Variants in MPHOSPH10 observed in about 807,000 individuals in gnomAD.
The protein encoded by MPHOSPH10 is U3 small nucleolar ribonucleoprotein MPP10.
In MPHOSPH10, 33 loss-of-function variants were observed where a neutral mutation model predicts 77.3. The observed-to-expected ratio is 0.43, with a 90% CI of 0.32 to 0.57. The LOEUF (loss-of-function observed/expected upper bound fraction) is 0.57. Among genes scored for constraint, MPHOSPH10 ranks in the 20% least tolerant of loss-of-function variants. The probability of loss-of-function intolerance (pLI) is 0.07; values close to 1 mark genes in which losing one functional copy is unlikely to be tolerated. For missense variants in MPHOSPH10, 708 were observed against 780.1 expected (o/e 0.91, Z 1.10); for synonymous variants, 245 against 268.0 (o/e 0.91, Z 0.84).
At position 71,141,219 on chromosome 2, in the gene MPHOSPH10, CTTT is replaced by C; in HGVS notation, c.1309-12_1309-10del. ...TAGGTTTTGTTATGTTCTACCTGCA[CTTT>C]ATGTTTCAGGCTTGGGATGATGTAG... On this transcript the variant is annotated splice_polypyrimidine_tract_variant and intron_variant, in intron 6 of 10. Coordinates refer to ENST00000244230, the MANE Select transcript of MPHOSPH10 (RefSeq NM_005791.3). 7.1e-7 allele frequency: 1 copy of C among 1,404,018 alleles called. No individual in the cohort carries two copies. Among genetic ancestry groups the C allele is most frequent in the Non-Finnish European group, 9.3e-7 (1 of 1,073,798 alleles). 87.0% of individuals were successfully genotyped at this position (1,404,018 alleles called of 1,614,324 possible). A position where few individuals can be genotyped will look rare whatever the true frequency, so the allele number is the denominator to read the frequency against.
intron 1 of MPHOSPH10, among the ~76,000 whole-genome samples, chr2:71,131,613 G>C (rs949080275): frequency 6.6e-6 from 1 of 152,206 alleles, no homozygotes; most frequent in African/African-American, 2.4e-5. Context: ...GTCAACTAAT[G>C]GTGATGGGGA....
At chr2:71,147,939 C>A in intron 8 of MPHOSPH10, 60 bp from the exon 9 acceptor site, 1 of 1,278,210 alleles carries the variant, frequency 7.8e-7, no homozygotes. Context: ...GTTCACAGTT[C>A]ACACATTTTG....
At chr2:71,131,997 C>A (rs1673395498) in intron 1 of MPHOSPH10, among the ~76,000 whole-genome samples, 1 of 152,180 alleles carries the variant, frequency 6.6e-6, no homozygotes, top group South Asian at 2.1e-4. Context: ...TTCCCTATCT[C>A]AGTAAATGGC....
At chr2:71,139,485 T>C in intron 5 of MPHOSPH10, 1 of 185,746 alleles carries the variant, frequency 5.4e-6, no homozygotes. Flanking sequence ...GTTTTCATTT[T>C]ATTTCAATGG....
intron 8 of MPHOSPH10, among the ~76,000 whole-genome samples, chr2:71,145,701 C>T (rs1307308633): frequency 6.6e-6 from 1 of 152,120 alleles, no homozygotes; most frequent in East Asian, 1.9e-4. Context: ...AGGACGTGGG[C>T]CTTTCTGGGC....
intron 7 of MPHOSPH10, among the ~76,000 whole-genome samples, chr2:71,143,429 C>G (rs902833605): frequency 2.0e-5 from 3 of 152,158 alleles, no homozygotes; most frequent in Non-Finnish European, 4.4e-5. Context: ...CCGCGCCCAG[C>G]CAGCCACCAT....
chr2:71,135,204 T>C (rs1021001287), intron 4 of MPHOSPH10, among the ~76,000 whole-genome samples: 6 of 151,992 alleles, frequency 3.9e-5, no homozygotes, highest in African/African-American at 1.2e-4. Context: ...GGAAAGCATC[T>C]GATTTGCAAA....
At position 71,130,740 on chromosome 2, in the gene MPHOSPH10, C is replaced by G. The variant is rs1430939640; in HGVS notation, c.75C>G (p.Pro25=). ...AAGTCGGCAAAGCCACGGGTCGGCC[C>G]GAGTGCTTCCTCACGTAAGTGCGCA... ...LTEVGKATGR[P]ECFLTIQEGL... Residue 25 remains proline, a synonymous_variant, in exon 1 of 11, where the codon CCC becomes CCG. Transcript: ENST00000244230. The G allele has an allele frequency of 2.5e-6, 4 of 1,608,964 alleles. No homozygotes were observed. The highest frequency in any genetic ancestry group is 1.7e-5 in the Admixed American group (1 of 59,888).
rs1464599009 is a variant in MPHOSPH10 at position 71,135,537 on chromosome 2, ACT to A, written c.1098+743_1098+744del. ...ACTCCAGCCTGGGCGACAGAGTGTG[ACT>A]CTGTCTCAAAAATAAAAAAATTTTT... On this transcript the variant is annotated intron_variant, in intron 4 of 10. Transcript: ENST00000244230. Among the ~76,000 whole-genome samples, 11 of 151,706 alleles carry A rather than the reference ACT, an allele frequency of 7.3e-5. No individual in the cohort carries two copies. In the East Asian group the frequency reaches 2.1e-3, roughly 30 times the overall value.
chr2:71,147,030 C>G (rs1489821697), intron 8 of MPHOSPH10, among the ~76,000 whole-genome samples: 1 of 152,130 alleles, frequency 6.6e-6, no homozygotes, highest in African/African-American at 2.4e-5. Flanking sequence ...TTCTTTCCCC[C>G]TTTTTGTAAT....
intron 9 of MPHOSPH10, chr2:71,148,322 G>A: frequency 2.2e-6 from 1 of 454,386 alleles, no homozygotes; most frequent in Non-Finnish European, 4.0e-6. Flanking sequence ...GAGAGTTACT[G>A]TAAGAGCAGT....
In MPHOSPH10 at chr2:71,147,322, A is replaced by G. The variant is rs192137355; in HGVS notation, c.1558-677A>G. The stretch of plus-strand genomic sequence containing the variant: ...AATGTCCACATGCATGGTAGATAGG[A>G]ATAGTTGAGGAAGAGATGGAAGAAC... On this transcript the variant is annotated intron_variant, in intron 8 of 10. Coordinates refer to ENST00000244230, the MANE Select transcript of MPHOSPH10 (RefSeq NM_005791.3). 5.6e-3 allele frequency among the ~76,000 whole-genome samples: 855 copies of G among 152,302 alleles called. 6 individuals are homozygous for G. Among genetic ancestry groups the G allele is most frequent in the Non-Finnish European group, 9.1e-3 (616 of 68,016 alleles).
At chr2:71,131,455 C>G (rs1486270499) in intron 1 of MPHOSPH10, among the ~76,000 whole-genome samples, 1 of 152,088 alleles carries the variant, frequency 6.6e-6, no homozygotes, top group Non-Finnish European at 1.5e-5. Flanking sequence ...TTGTTTCTAC[C>G]CACCTATACT....
Position 71,133,844 on chromosome 2 carries a change from G to A in MPHOSPH10, c.769-104G>A, listed in dbSNP as rs559609102. ...AGTTATTAGCTTGTAGTGTTATTAA[G>A]TCAGAAAGTAATATATACATACAAT... On this transcript the variant is annotated intron_variant, in intron 2 of 10. Transcript: ENST00000244230. 43 of 915,974 alleles carry A rather than the reference G, an allele frequency of 4.7e-5. No homozygotes were observed. In the African/African-American group the frequency reaches 5.9e-4, roughly 13 times the overall value. 56.7% of individuals were successfully genotyped at this position (915,974 alleles called of 1,614,324 possible). A position where few individuals can be genotyped will look rare whatever the true frequency, so the allele number is the denominator to read the frequency against.
intron 2 of MPHOSPH10, 102 bp from the exon 3 acceptor site, chr2:71,133,846 C>T (rs1421152191): frequency 1.1e-6 from 1 of 918,310 alleles, no homozygotes; most frequent in Non-Finnish European, 1.6e-6. Context: ...GTTATTAAGT[C>T]AGAAAGTAAT....
chr2:71,141,504 A>G, intron 7 of MPHOSPH10, 135 bp downstream of exon 7: 5 of 684,404 alleles, frequency 7.3e-6, no homozygotes, highest in Non-Finnish European at 1.1e-5. Context: ...GAGACAGAGC[A>G]TGCTAGGAAT....
rs1173567868 is a variant in MPHOSPH10, at chr2:71,130,641, A to T, written c.-25A>T. On this transcript the variant is annotated 5_prime_UTR_variant, in exon 1 of 11. Transcript: ENST00000244230. ...GCGGCTCCCTTCCCTTGCATGCTGC[A>T]TTGTGTCGGGAGTTGCTGACAGCCA... 1 of 1,597,298 alleles carries T rather than the reference A, an allele frequency of 6.3e-7. No individual in the cohort carries two copies. The highest frequency in any genetic ancestry group is 1.1e-5 in the South Asian group (1 of 89,282).
Position 71,149,768 on chromosome 2 carries a change from T to C in MPHOSPH10, c.1897-98T>C, listed in dbSNP as rs556293661. The C allele has an allele frequency of 4.1e-5, 43 of 1,042,880 alleles. No homozygotes were observed. The South Asian group carries it at 5.1e-4, about 12-fold the overall frequency. The allele number at this position is 1,042,880 out of a possible 1,614,324, so 64.6% of individuals were successfully genotyped here. On this transcript the variant is annotated intron_variant, in intron 10 of 10. Transcript: ENST00000244230. ...TAATTCTAGTCCTTTTTCATATTTA[T>C]GGTTGCATACATTGTTGTAATGGTG...
intron 2 of MPHOSPH10, among the ~76,000 whole-genome samples, 151 bp from the exon 3 acceptor site, chr2:71,133,793 ATTAT>A (rs760033653): frequency 1.3e-5 from 2 of 152,322 alleles, no homozygotes; most frequent in East Asian, 1.9e-4. Flanking sequence ...TCACCTAATA[ATTAT>A]TTAGTTATTA....
Sources: gnomAD v4.1 joint callset for allele counts (sites outside exome capture counted in the v4.1 genomes callset) on GRCh38, gnomAD v4.1.1 for gene constraint, MANE v1.5 for transcripts, NCBI Gene and HGNC (gene_info 2026-07-23, HGNC 2026-07-21) for gene names.